UBE4B: variants seen among roughly 807,000 people sequenced by gnomAD.
The protein encoded by UBE4B is ubiquitin conjugation factor E4 B.
In UBE4B, 27 loss-of-function variants were observed where a neutral mutation model predicts 148.1. The ratio of observed to expected loss-of-function variants is 0.18; its 90% CI spans 0.13 to 0.25. UBE4B has a LOEUF of 0.25. Among genes scored for constraint, UBE4B ranks in the 10% least tolerant of loss-of-function variants. The pLI is 1.00. For missense variants in UBE4B, 1,170 were observed against 1,662.4 expected, an observed-to-expected ratio of 0.70 and a Z score of 5.15; for synonymous variants, 596 against 619.3, an observed-to-expected ratio of 0.96 and a Z score of 0.56.
chr1:10,107,245 T>C (rs1645128418), intron 7 of UBE4B: 13 of 1,289,640 alleles, frequency 1.0e-5, no homozygotes, highest in Non-Finnish European at 1.3e-5. Flanking sequence ...CCTTTCTCCT[T>C]CCTCTTCCTC....
intron 1 of UBE4B, among the ~76,000 whole-genome samples, chr1:10,041,335 CTTTT>C (rs573440480): frequency 3.0e-5 from 4 of 132,102 alleles, no homozygotes; most frequent in African/African-American, 2.8e-5. Context: ...TTTTGGCATT[CTTTT>C]TTTTTTTTTT....
chr1:10,130,655 T>C, intron 13 of UBE4B, 39 bp downstream of exon 13: 1 of 1,612,690 alleles, frequency 6.2e-7, no homozygotes, highest in Non-Finnish European at 8.5e-7. Context: ...TGCCCTTTTA[T>C]TCAGATTCTT....
intron 16 of UBE4B, among the ~76,000 whole-genome samples, chr1:10,135,548 T>C (rs7541780): frequency 0.22 from 32,602 of 151,560 alleles, 6,616 homozygotes; most frequent in African/African-American, 0.54. Context: ...ACCAGCCTGA[T>C]CACCATGGTG....
At chr1:10,038,397 AC>A (rs1269730778) in intron 1 of UBE4B, among the ~76,000 whole-genome samples, 2 of 152,246 alleles carry the variant, frequency 1.3e-5, no homozygotes, top group African/African-American at 2.4e-5. Flanking sequence ...ACATTAAACA[AC>A]AGCCTTAGGA....
chr1:10,098,796 C>G (rs779420344), intron 3 of UBE4B, among the ~76,000 whole-genome samples: 3 of 152,146 alleles, frequency 2.0e-5, no homozygotes, highest in Admixed American at 6.6e-5. Flanking sequence ...CAGCAACTCT[C>G]CTATTCAGTG....
At chr1:10,155,789 G>C (rs1213145101) in intron 21 of UBE4B, among the ~76,000 whole-genome samples, 1 of 152,208 alleles carries the variant, frequency 6.6e-6, no homozygotes, top group Admixed American at 6.5e-5. Flanking sequence ...TTGGGAGTCC[G>C]AGACAGGTGA....
intron 1 of UBE4B, among the ~76,000 whole-genome samples, chr1:10,043,762 G>A (rs923510532): frequency 2.0e-5 from 3 of 152,122 alleles, no homozygotes; most frequent in African/African-American, 7.2e-5. Context: ...TGTAATCACC[G>A]TTGGCCAGGT....
chr1:10,072,224 A>G lies in UBE4B; in HGVS notation c.211+10A>G. On this transcript the variant is annotated intron_variant, in intron 2 of 27. Transcript: ENST00000343090. ...CCAATAGGTGCATCAGGTAAGCCCA[A>G]GCTTCATACCTGGGACTCTTTTGTA... 3.7e-6 allele frequency: 6 copies of G among 1,607,968 alleles called. No individual in the cohort carries two copies. Among genetic ancestry groups the G allele is most frequent in the Non-Finnish European group, 4.2e-6 (5 of 1,178,618 alleles).
chr1:10,162,054 A>G (rs1223274678), intron 23 of UBE4B, among the ~76,000 whole-genome samples: 4 of 149,614 alleles, frequency 2.7e-5, no homozygotes, highest in South Asian at 2.1e-4. Context: ...GCAGGAGTAC[A>G]GTGGTGCGAT....
chr1:10,151,447 A>T lies in UBE4B; in HGVS notation c.2812A>T (p.Met938Leu). ...PYLVAKLVEVMFMTNPAVQPR... is the reference protein window; with the variant it reads ...PYLVAKLVEVLFMTNPAVQPR... ...TTTGGTGGCCAAACTGGTAGAAGTC[A>T]TGTTTATGACCAACCCTGCTGTTCA... The change falls in exon 21 of 28, where the codon ATG becomes TTG. Residue 938 changes from methionine (M) to leucine (L), a missense_variant. Coordinates refer to ENST00000343090, the MANE Select transcript of UBE4B (RefSeq NM_001105562.3). 1.9e-6 allele frequency: 3 copies of T among 1,614,162 alleles called. No individual in the cohort carries two copies. Among genetic ancestry groups the T allele is most frequent in the Non-Finnish European group, 2.5e-6 (3 of 1,180,036 alleles).
Position 10,147,079 on chromosome 1 carries a change from C to A in UBE4B, c.2580C>A (p.Pro860=). Residue 860 remains proline, a synonymous_variant, in exon 19 of 28, where the codon CCC becomes CCA. Coordinates refer to ENST00000343090, the MANE Select transcript of UBE4B (RefSeq NM_001105562.3). ...AGCTGCTGCTCCGCATCCTGGACCC[C>A]GCATATCCCGAGTGAGTGTGCTTCT... ...LIQLLLRILD[P]AYPDITLPLN... is the part of the protein sequence containing the mutation. The A allele has an allele frequency of 6.2e-7, 1 of 1,614,136 alleles. No homozygotes were observed. The highest frequency in any genetic ancestry group is 8.5e-7 in the Non-Finnish European group (1 of 1,180,024).
chr1:10,145,207 G>A (rs1645849455), intron 18 of UBE4B, 168 bp downstream of exon 18: 3 of 511,336 alleles, frequency 5.9e-6, no homozygotes, highest in Non-Finnish European at 1.0e-5. Flanking sequence ...TTACTTATAT[G>A]TGTATATAAT....
At position 10,036,502 on chromosome 1, in the gene UBE4B, C is replaced by CT. The variant is rs369471209; in HGVS notation, c.24+2820dup. Among the ~76,000 whole-genome samples the CT allele has an allele frequency of 7.7e-3, 1,104 of 144,312 alleles. 24 individuals are homozygous for CT. The highest frequency in any genetic ancestry group is 0.066 in the South Asian group (305 of 4,616). 94.7% of individuals were successfully genotyped at this position (144,312 alleles called of 152,430 possible). A position where few individuals can be genotyped will look rare whatever the true frequency, so the allele number is the denominator to read the frequency against. On this transcript the variant is annotated intron_variant, in intron 1 of 27. Transcript: ENST00000343090. Reference sequence around the variant, plus strand: ...TTCGTTTGTTTTTAATTTAAAAAATCTTTTTTTTTTTTGTAGAGACGGGGG... The same window carrying CT: ...TTCGTTTGTTTTTAATTTAAAAAATCTTTTTTTTTTTTTGTAGAGACGGGGG...
At chr1:10,097,343 T>G (rs1644945040) in intron 3 of UBE4B, among the ~76,000 whole-genome samples, 1 of 151,990 alleles carries the variant, frequency 6.6e-6, no homozygotes, top group South Asian at 2.1e-4. Flanking sequence ...GATGTTCAGC[T>G]TTAAAAAAGA....
Position 10,175,418 on chromosome 1 carries a change from A to G in UBE4B, c.3526-3226A>G, listed in dbSNP as rs376741973. 9.4e-3 allele frequency among the ~76,000 whole-genome samples: 1,427 copies of G among 152,102 alleles called. 16 individuals carry two copies. Among genetic ancestry groups the G allele is most frequent in the African/African-American group, 0.021 (865 of 41,444 alleles). On this transcript the variant is annotated intron_variant, in intron 25 of 27. Transcript: ENST00000343090. ...TGTAATCCCAGCACTTTGGGAGGCC[A>G]AGGCGGGCGGATCACAAGGTCAGGA...
In UBE4B at chr1:10,179,429, C is replaced by T; in HGVS notation, c.3714C>T (p.Asp1238=). 2 of 1,613,908 alleles carry T rather than the reference C, an allele frequency of 1.2e-6. No individual in the cohort carries two copies. Among genetic ancestry groups the T allele is most frequent in the Non-Finnish European group, 1.7e-6 (2 of 1,179,984 alleles). Residue 1238 remains aspartate, a synonymous_variant, in exon 27 of 28, where the codon GAC becomes GAT. Transcript: ENST00000343090. ...TTGTCCCCGCAGACCCTCTGATGGA[C>T]ACCCTCATGACAGACCCCGTGCGGC... ...APDEFRDPLM[D]TLMTDPVRLP...
At chr1:10,113,361 A>G (rs1645253250) in intron 7 of UBE4B, among the ~76,000 whole-genome samples, 1 of 152,216 alleles carries the variant, frequency 6.6e-6, no homozygotes, top group Non-Finnish European at 1.5e-5. Context: ...CCGTGCTCCA[A>G]CACTGGGGAC....
chr1:10,179,575 G>T lies in UBE4B; in HGVS notation c.3847+13G>T. 2 of 1,611,774 alleles carry T rather than the reference G, an allele frequency of 1.2e-6. No homozygotes were observed. On this transcript the variant is annotated intron_variant, in intron 27 of 27. Transcript: ENST00000343090. ...ATGCTGGAACCAGGTAGAGGAGGGT[G>T]CAGTTTGAGGTGCAGCGCTGGCGTC...
At chr1:10,071,797 C>CT (rs1250199613) in intron 1 of UBE4B, among the ~76,000 whole-genome samples, 1 of 152,140 alleles carries the variant, frequency 6.6e-6, no homozygotes, top group Admixed American at 6.6e-5. Context: ...TCCCAAGTAG[C>CT]TGAGACTATA....
Sources: gnomAD v4.1 joint callset for allele counts (sites outside exome capture counted in the v4.1 genomes callset) on GRCh38, gnomAD v4.1.1 for gene constraint, MANE v1.5 for transcripts, NCBI Gene and HGNC (gene_info 2026-07-23, HGNC 2026-07-21) for gene names.